The following RAB6A variants were observed in gnomAD, a reference collection of about 807,000 sequenced individuals.
RAB6A encodes ras-related protein Rab-6A.
Under a neutral mutation model 32.3 loss-of-function variants are expected in RAB6A, and 8 were observed. The observed-to-expected ratio is 0.25, with a 90% CI of 0.15 to 0.45. The LOEUF is 0.45. Ranked by LOEUF, RAB6A falls within the 20% of genes least tolerant of loss-of-function variation. The pLI is 1.00. For missense variants in RAB6A, 104 were observed against 249.4 expected (o/e 0.42, Z 3.93); for synonymous variants, 73 against 82.1 (o/e 0.89, Z 0.60).
chr11:73,712,775 A>G (rs1287683752), intron 5 of RAB6A, among the ~76,000 whole-genome samples: 1 of 146,246 alleles, frequency 6.8e-6, no homozygotes, highest in Non-Finnish European at 1.5e-5. Flanking sequence ...GCTGGGGTGC[A>G]GTGACACGAT....
intron 7 of RAB6A, among the ~76,000 whole-genome samples, chr11:73,678,616 C>CA (rs1215968070): frequency 3.7e-4 from 52 of 141,184 alleles, no homozygotes; most frequent in African/African-American, 7.1e-4. Flanking sequence ...GACTCCATCT[C>CA]AAAAAAAAAC....
At chr11:73,729,800 G>T in intron 2 of RAB6A, 1 of 152,458 alleles carries the variant, frequency 6.6e-6, no homozygotes, top group Non-Finnish European at 1.5e-5. Context: ...GACACTGAGG[G>T]CCAATACTAC....
chr11:73,683,800 G>A (rs1378412899), intron 6 of RAB6A, among the ~76,000 whole-genome samples: 1 of 151,374 alleles, frequency 6.6e-6, no homozygotes, highest in African/African-American at 2.4e-5. Flanking sequence ...TGATCCACCT[G>A]CCTCAGCCTC....
chr11:73,714,207 A>ATATATATATATATAT (rs56359106), intron 5 of RAB6A, among the ~76,000 whole-genome samples: 57 of 71,504 alleles, frequency 8.0e-4, no homozygotes, highest in Non-Finnish European at 1.1e-3. Flanking sequence ...AAAAAAAAAA[A>ATATATATATATATAT]AAATATATAT....
intron 6 of RAB6A, among the ~76,000 whole-genome samples, chr11:73,701,305 C>T (rs891380825): frequency 6.6e-6 from 1 of 152,128 alleles, no homozygotes; most frequent in African/African-American, 2.4e-5. Context: ...TGCTTACAAA[C>T]ATACACAGCT....
At chr11:73,710,187 C>T (rs1945931304) in intron 5 of RAB6A, among the ~76,000 whole-genome samples, 2 of 148,754 alleles carry the variant, frequency 1.3e-5, no homozygotes, top group African/African-American at 4.9e-5. Flanking sequence ...AGGATGGTCT[C>T]GATCTCCGGA....
In RAB6A at chr11:73,707,536, C is replaced by T; in HGVS notation, c.402-23G>A. The T allele has an allele frequency of 2.0e-6, 3 of 1,536,382 alleles. No individual in the cohort carries two copies. In the South Asian group the frequency reaches 3.4e-5, roughly 17 times the overall value. ...TGCCTGTAAAGAAACAAACAAACTT[C>T]TTACTTTTGAGACATGAGGCAGTAT... On this transcript the variant is annotated intron_variant, in intron 5 of 7. Coordinates refer to ENST00000336083, the MANE Select transcript of RAB6A (RefSeq NM_198896.2).
intron 1 of RAB6A, among the ~76,000 whole-genome samples, chr11:73,759,789 T>C (rs1304212543): frequency 6.6e-6 from 1 of 152,200 alleles, no homozygotes; most frequent in African/African-American, 2.4e-5. Context: ...ACATAGCATC[T>C]GGCAGAGATT....
intron 5 of RAB6A, among the ~76,000 whole-genome samples, chr11:73,710,724 G>C (rs1945943185): frequency 6.6e-6 from 1 of 151,202 alleles, no homozygotes; most frequent in Admixed American, 6.6e-5. Context: ...GCAACAGAGA[G>C]AGACTCAGTC....
chr11:73,734,281 A>G (rs1320319747), intron 1 of RAB6A, among the ~76,000 whole-genome samples: 5 of 151,976 alleles, frequency 3.3e-5, no homozygotes, highest in African/African-American at 1.2e-4. Flanking sequence ...GCCCGCCACC[A>G]CGCCCAGCTA....
At chr11:73,703,113 T>C (rs1030842773) in intron 6 of RAB6A, among the ~76,000 whole-genome samples, 8 of 151,794 alleles carry the variant, frequency 5.3e-5, no homozygotes, top group African/African-American at 1.2e-4. Flanking sequence ...TGAGCAACCA[T>C]GCCTGGCCTA....
intron 6 of RAB6A, among the ~76,000 whole-genome samples, chr11:73,685,593 T>TCTTTTTTTTTTTTTTTTTTTTTTTTTTAA (rs1555054180): frequency 7.5e-5 from 11 of 147,072 alleles, no homozygotes; most frequent in East Asian, 2.0e-4. Flanking sequence ...GGACTGAAAG[T>TCTTTTTTTTTTTTTTTTTTTTTTTTTTAA]AGCGACCAGG....
chr11:73,716,501 A>G (rs1946055765), intron 4 of RAB6A, 139 bp from the exon 5 acceptor site: 1 of 556,776 alleles, frequency 1.8e-6, no homozygotes, highest in East Asian at 2.9e-5. Flanking sequence ...TGCCTGCAAC[A>G]TAACTCCATT....
At position 73,721,107 on chromosome 11, in the gene RAB6A, T is replaced by G. The variant is rs375051333; in HGVS notation, c.130-208A>C. On this transcript the variant is annotated intron_variant, in intron 2 of 7. Transcript: ENST00000336083. ...ACTTGCTTCATATCAGAGATTGTTT[T>G]AAGCCTTTTACATGATCATCTCTAA... Among the ~76,000 whole-genome samples, 82 of 152,350 alleles carry G rather than the reference T, an allele frequency of 5.4e-4. 1 individual carries two copies. The South Asian group carries it at 0.016, about 30-fold the overall frequency.
At position 73,740,019 on chromosome 11, in the gene RAB6A, A is replaced by T. The variant is rs113850408; in HGVS notation, c.71-9196T>A. ...GGTTGCAGTGAGCCGAGACTGCGCC[A>T]CTGCAGTCCAGCCTGGGCAACAGAG... On this transcript the variant is annotated intron_variant, in intron 1 of 7. Coordinates refer to ENST00000336083, the MANE Select transcript of RAB6A (RefSeq NM_198896.2). Among the ~76,000 whole-genome samples the T allele has an allele frequency of 3.8e-3, 570 of 151,408 alleles. 4 individuals are homozygous for T. The highest frequency in any genetic ancestry group is 0.013 in the African/African-American group (542 of 41,260).
At chr11:73,725,717 G>A (rs970653199) in intron 2 of RAB6A, among the ~76,000 whole-genome samples, 1 of 152,120 alleles carries the variant, frequency 6.6e-6, no homozygotes, top group African/African-American at 2.4e-5. Flanking sequence ...TGGGAATTGT[G>A]GGAGTTACAA....
At chr11:73,744,608 T>C (rs1357561712) in intron 1 of RAB6A, among the ~76,000 whole-genome samples, 1 of 150,614 alleles carries the variant, frequency 6.6e-6, no homozygotes, top group Non-Finnish European at 1.5e-5. Context: ...CATACTTTTA[T>C]AATTGTATCA....
chr11:73,691,965 C>T (rs1448497823), intron 6 of RAB6A, among the ~76,000 whole-genome samples: 1 of 151,446 alleles, frequency 6.6e-6, no homozygotes, highest in African/African-American at 2.4e-5. Flanking sequence ...AAGAGCAAAA[C>T]TCTTGTCTCC....
At position 73,760,837 on chromosome 11, in the gene RAB6A, C is replaced by T; in HGVS notation, c.-202G>A. The T allele has an allele frequency of 1.5e-6, 1 of 651,826 alleles. No individual in the cohort carries two copies. The highest frequency in any genetic ancestry group is 2.5e-6 in the Non-Finnish European group (1 of 403,876). 40.4% of individuals were successfully genotyped at this position (651,826 alleles called of 1,614,324 possible). On this transcript the variant is annotated 5_prime_UTR_variant, in exon 1 of 8. Transcript: ENST00000336083. ...CGCCGCCGCCTCCCGGCAGAGTAGC[C>T]TAGCACCGAGCGAGGCCCGCGGCTG...
Sources: gnomAD v4.1 joint callset for allele counts (sites outside exome capture counted in the v4.1 genomes callset) on GRCh38, gnomAD v4.1.1 for gene constraint, MANE v1.5 for transcripts, NCBI Gene and HGNC (gene_info 2026-07-23, HGNC 2026-07-21) for gene names.